The following CNNM2 variants were observed in gnomAD, a reference collection of about 807,000 sequenced individuals.
The protein encoded by CNNM2 is metal transporter CNNM2.
Under a neutral mutation model 66.9 loss-of-function variants are expected in CNNM2, and 12 were observed. The ratio of observed to expected loss-of-function variants is 0.18; its 90% CI spans 0.11 to 0.29. The LOEUF is 0.29. Among genes scored for constraint, CNNM2 ranks in the 10% least tolerant of loss-of-function variants. The pLI, the probability that CNNM2 is intolerant of heterozygous loss-of-function variation, is 1.00. For synonymous variants in CNNM2, 557 were observed against 501.8 expected (o/e 1.11, Z -1.47); for missense variants, 705 against 1,167.7 (o/e 0.60, Z 5.77).
chr10:102,977,029 G>GT (rs2063645462), intron 1 of CNNM2, among the ~76,000 whole-genome samples: 1 of 152,040 alleles, frequency 6.6e-6, no homozygotes, highest in Non-Finnish European at 1.5e-5. Flanking sequence ...TGGGTATTGG[G>GT]TACAGGGAGG....
chr10:103,000,291 A>G (rs1048400285), intron 1 of CNNM2, among the ~76,000 whole-genome samples: 1 of 150,754 alleles, frequency 6.6e-6, no homozygotes, highest in Non-Finnish European at 1.5e-5. Context: ...ATAAAATGGA[A>G]TAGCTGCTAT....
intron 5 of CNNM2, among the ~76,000 whole-genome samples, chr10:103,070,059 C>G (rs1033590352): frequency 6.6e-6 from 1 of 152,172 alleles, no homozygotes; most frequent in Non-Finnish European, 1.5e-5. Context: ...TCCTCTGCCC[C>G]AAATGCCCCT....
chr10:103,048,073 C>T (rs753993626), intron 1 of CNNM2, among the ~76,000 whole-genome samples: 1 of 151,766 alleles, frequency 6.6e-6, no homozygotes, highest in Non-Finnish European at 1.5e-5. Flanking sequence ...AGGCGTGCAC[C>T]ACCACACCTG....
chr10:102,940,338 C>T lies in CNNM2; in HGVS notation c.1621+20237C>T, dbSNP rs182231748. On this transcript the variant is annotated intron_variant, in intron 1 of 7. Transcript: ENST00000369878. ...TTTTGTTTTCTCTCCATTCCCACTG[C>T]TACAGTGCCAGCCCTTAGCCCCTCT... Among the ~76,000 whole-genome samples the T allele has an allele frequency of 1.7e-4, 26 of 152,290 alleles. 1 individual carries two copies. The East Asian group carries it at 4.4e-3, about 26-fold the overall frequency.
chr10:103,077,469 T>C lies in CNNM2; in HGVS notation c.*289T>C, dbSNP rs1590517583. On this transcript the variant is annotated 3_prime_UTR_variant, in exon 8 of 8. Coordinates refer to ENST00000369878, the MANE Select transcript of CNNM2 (RefSeq NM_017649.5). ...ATTTTTTCAGCTCTCCCTTTTATCATTATTCACACTCCTCTGCCCTCGATT... is the reference window on the plus strand; with the variant it reads ...ATTTTTTCAGCTCTCCCTTTTATCACTATTCACACTCCTCTGCCCTCGATT... The C allele has an allele frequency of 2.4e-6, 1 of 418,154 alleles. No homozygotes were observed. Among genetic ancestry groups the C allele is most frequent in the Non-Finnish European group, 4.3e-6 (1 of 230,486 alleles). 25.9% of individuals were successfully genotyped at this position (418,154 alleles called of 1,614,324 possible).
intron 1 of CNNM2, among the ~76,000 whole-genome samples, chr10:103,024,309 C>T (rs186441583): frequency 5.3e-5 from 8 of 152,178 alleles, no homozygotes; most frequent in Admixed American, 1.3e-4. Context: ...AATTCAATAA[C>T]TATCATGGCT....
chr10:102,944,389 C>T (rs1467295689), intron 1 of CNNM2, among the ~76,000 whole-genome samples: 1 of 152,056 alleles, frequency 6.6e-6, no homozygotes, highest in Non-Finnish European at 1.5e-5. Context: ...GCTTTCGTAA[C>T]TCTTATAGTA....
intron 1 of CNNM2, among the ~76,000 whole-genome samples, chr10:103,021,836 G>C (rs2064588160): frequency 6.6e-6 from 1 of 152,112 alleles, no homozygotes; most frequent in South Asian, 2.1e-4. Flanking sequence ...AGAAAATACT[G>C]GTTCCTAGAG....
intron 1 of CNNM2, chr10:102,927,330 TTTTG>T: frequency 6.2e-7 from 1 of 1,613,746 alleles, no homozygotes; most frequent in Non-Finnish European, 8.5e-7. Context: ...TTTCATCTCT[TTTTG>T]TTTTTCTCAG....
intron 1 of CNNM2, among the ~76,000 whole-genome samples, chr10:103,029,382 T>G (rs2064777650): frequency 6.6e-6 from 1 of 151,458 alleles, no homozygotes; most frequent in Admixed American, 6.6e-5. Context: ...GAGAATCACT[T>G]GAACCCAGGT....
At chr10:102,990,257 CGCCCGGTTTAAGCCACCGT>C (rs754997956) in intron 1 of CNNM2, among the ~76,000 whole-genome samples, 16 of 152,034 alleles carry the variant, frequency 1.1e-4, no homozygotes, top group Non-Finnish European at 1.9e-4. Flanking sequence ...TGAGCCACCG[CGCCCGGTTTAAGCCACCGT>C]GCCCGGTCTT....
At chr10:103,022,265 A>G (rs1202060793) in intron 1 of CNNM2, among the ~76,000 whole-genome samples, 1 of 152,218 alleles carries the variant, frequency 6.6e-6, no homozygotes. Flanking sequence ...GTTAGTCATT[A>G]TTTCATATGC....
At chr10:103,017,006 A>G (rs1034333037) in intron 1 of CNNM2, among the ~76,000 whole-genome samples, 1 of 151,698 alleles carries the variant, frequency 6.6e-6, no homozygotes, top group Non-Finnish European at 1.5e-5. Context: ...AGGTTAAAAA[A>G]GGGTGAATCA....
chr10:102,997,251 A>T (rs2064020378), intron 1 of CNNM2, among the ~76,000 whole-genome samples: 1 of 152,186 alleles, frequency 6.6e-6, no homozygotes, highest in Non-Finnish European at 1.5e-5. Flanking sequence ...AGTCTTAATA[A>T]TGAGGAGGCC....
intron 1 of CNNM2, among the ~76,000 whole-genome samples, chr10:102,992,525 C>T (rs1457005475): frequency 2.0e-5 from 3 of 152,024 alleles, no homozygotes; most frequent in Admixed American, 6.6e-5. Flanking sequence ...CCTCCCACCT[C>T]GGCCTCCCAA....
At position 103,021,760 on chromosome 10, in the gene CNNM2, C is replaced by T. The variant is rs1590407939; in HGVS notation, c.1622-27947C>T. On this transcript the variant is annotated intron_variant, in intron 1 of 7. Transcript: ENST00000369878. Reference sequence around the variant, plus strand: ...CTCCTTTTTCTATGGACTCTTTCCCCCAGAATACAACTCTATGGTTTCAAA... The same window carrying T: ...CTCCTTTTTCTATGGACTCTTTCCCTCAGAATACAACTCTATGGTTTCAAA... 2.3e-5 allele frequency among the ~76,000 whole-genome samples: 3 copies of T among 132,240 alleles called. No individual in the cohort carries two copies. The South Asian group carries it at 7.0e-4, about 31-fold the overall frequency. The allele number at this position is 132,240 out of a possible 152,430, so 86.8% of individuals were successfully genotyped here.
intron 1 of CNNM2, among the ~76,000 whole-genome samples, chr10:103,033,510 TA>T (rs1302293891): frequency 1.3e-5 from 2 of 151,394 alleles, no homozygotes; most frequent in African/African-American, 2.4e-5. Flanking sequence ...AGGTTTTTTT[TA>T]AAAAGCTTCT....
intron 5 of CNNM2, among the ~76,000 whole-genome samples, chr10:103,069,213 C>T (rs1248361547): frequency 6.6e-6 from 1 of 152,088 alleles, no homozygotes; most frequent in African/African-American, 2.4e-5. Flanking sequence ...GTGCACGTGT[C>T]CTTTCATTGC....
chr10:103,050,442 C>T (rs1185916936), intron 2 of CNNM2, among the ~76,000 whole-genome samples: 1 of 151,164 alleles, frequency 6.6e-6, no homozygotes, highest in Admixed American at 6.6e-5. Flanking sequence ...GAGGCTAAAG[C>T]AGGAGAATCG....
Sources: allele counts gnomAD v4.1 joint callset (sites outside exome capture counted in the v4.1 genomes callset), GRCh38; gene constraint gnomAD v4.1.1; transcripts MANE v1.5; gene names NCBI Gene and HGNC (gene_info 2026-07-23, HGNC 2026-07-21).